MTHFD1L: variants seen among roughly 807,000 people sequenced by gnomAD.
MTHFD1L encodes the protein methylenetetrahydrofolate dehydrogenase (NADP+ dependent) 1 like, also known as monofunctional C1-tetrahydrofolate synthase, mitochondrial.
Under a neutral mutation model 119.5 loss-of-function variants are expected in MTHFD1L, and 81 were observed. That is an observed-to-expected ratio of 0.68 (90% CI 0.57 to 0.82). MTHFD1L has a LOEUF of 0.82. Among genes scored for constraint, MTHFD1L ranks in the 40% least tolerant of loss-of-function variants. MTHFD1L has a pLI of 0.00. For missense variants in MTHFD1L, 1,125 were observed against 1,253.4 expected (o/e 0.90, Z 1.55); for synonymous variants, 430 against 475.2 (o/e 0.90, Z 1.24).
chr6:151,002,380 C>A (rs538060156), intron 20 of MTHFD1L, among the ~76,000 whole-genome samples: 3 of 152,292 alleles, frequency 2.0e-5, no homozygotes, highest in African/African-American at 7.2e-5. Flanking sequence ...AGACAGGACA[C>A]CTAGTACATT....
chr6:150,916,634 T>G (rs1787984250), intron 8 of MTHFD1L, among the ~76,000 whole-genome samples: 1 of 149,216 alleles, frequency 6.7e-6, no homozygotes, highest in Admixed American at 6.7e-5. Flanking sequence ...CTGCCAGAAG[T>G]AGAATTCTTA....
At chr6:151,044,955 G>T (rs1787744706) in intron 26 of MTHFD1L, among the ~76,000 whole-genome samples, 1 of 152,186 alleles carries the variant, frequency 6.6e-6, no homozygotes, top group Non-Finnish European at 1.5e-5. Flanking sequence ...TTTCAGTTCA[G>T]CTCGGTTTGT....
intron 26 of MTHFD1L, among the ~76,000 whole-genome samples, chr6:151,079,670 G>A (rs1170182702): frequency 6.6e-6 from 1 of 151,532 alleles, no homozygotes; most frequent in South Asian, 2.1e-4. Context: ...TGTATTTTTA[G>A]TAGAGACGGA....
At chr6:151,098,501 T>C (rs1434991924) in intron 27 of MTHFD1L, among the ~76,000 whole-genome samples, 1 of 152,290 alleles carries the variant, frequency 6.6e-6, no homozygotes, top group East Asian at 1.9e-4. Context: ...TGCTTCCAAG[T>C]AGGATGGAAG....
At chr6:150,979,549 T>A (rs1303910086) in intron 20 of MTHFD1L, among the ~76,000 whole-genome samples, 7 of 152,140 alleles carry the variant, frequency 4.6e-5, no homozygotes, top group Admixed American at 3.9e-4. Context: ...CTCCTAGGCT[T>A]GAGTTCAGTG....
chr6:150,896,352 A>T (rs891742389), intron 7 of MTHFD1L, among the ~76,000 whole-genome samples: 1 of 152,170 alleles, frequency 6.6e-6, no homozygotes, highest in Non-Finnish European at 1.5e-5. Flanking sequence ...GGGGCTCATC[A>T]TCAGCTCTCC....
chr6:150,898,875 G>T, intron 7 of MTHFD1L: 1 of 424,756 alleles, frequency 2.4e-6, no homozygotes, highest in South Asian at 2.2e-5. Flanking sequence ...GTCTCGTTCT[G>T]TCACCAGGCT....
intron 26 of MTHFD1L, among the ~76,000 whole-genome samples, chr6:151,086,215 A>G (rs1793783943): frequency 6.6e-6 from 1 of 152,166 alleles, no homozygotes; most frequent in Non-Finnish European, 1.5e-5. Flanking sequence ...TACTAAGTCA[A>G]GCAAATAGAA....
intron 20 of MTHFD1L, among the ~76,000 whole-genome samples, chr6:151,006,255 G>A (rs929719784): frequency 2.6e-5 from 4 of 152,174 alleles, no homozygotes; most frequent in African/African-American, 9.7e-5. Context: ...CAAGCTTCCA[G>A]GAAATGGCAC....
intron 20 of MTHFD1L, among the ~76,000 whole-genome samples, chr6:150,998,999 T>C (rs557192926): frequency 2.6e-5 from 3 of 113,560 alleles, no homozygotes; most frequent in Non-Finnish European, 6.1e-5. Flanking sequence ...TAAAAAAATA[T>C]ATATACATAT....
At chr6:151,068,970 G>A (rs972792921) in intron 26 of MTHFD1L, among the ~76,000 whole-genome samples, 11 of 152,128 alleles carry the variant, frequency 7.2e-5, no homozygotes, top group African/African-American at 2.7e-4. Context: ...GTAGACTAGT[G>A]CCAGTTTGCC....
chr6:150,901,564 CACATAAACT>C (rs1785105370), intron 7 of MTHFD1L, among the ~76,000 whole-genome samples: 2 of 152,288 alleles, frequency 1.3e-5, no homozygotes, highest in Middle Eastern at 3.4e-3. Context: ...TAACTGGGCG[CACATAAACT>C]ACATAAACTA....
At chr6:150,994,079 AAG>A (rs1554273866) in intron 20 of MTHFD1L, among the ~76,000 whole-genome samples, 3 of 134,914 alleles carry the variant, frequency 2.2e-5, no homozygotes, top group South Asian at 2.2e-4. Context: ...AAAAAAAAAA[AAG>A]AAAGAAAGAA....
At chr6:150,998,245 G>A (rs1780103381) in intron 20 of MTHFD1L, among the ~76,000 whole-genome samples, 1 of 152,086 alleles carries the variant, frequency 6.6e-6, no homozygotes, top group African/African-American at 2.4e-5. Context: ...TCCATGATCA[G>A]CCTGCTTGTA....
At chr6:151,033,699 A>G (rs1785685203) in intron 24 of MTHFD1L, among the ~76,000 whole-genome samples, 1 of 152,082 alleles carries the variant, frequency 6.6e-6, no homozygotes, top group South Asian at 2.1e-4. Context: ...AGTAGGTTCA[A>G]CCTCTGATTT....
chr6:151,014,954 C>G lies in MTHFD1L; in HGVS notation c.2382C>G (p.Pro794=), dbSNP rs370947787. The stretch of plus-strand genomic sequence containing the variant: ...AGATCACTCAGCTCTTTGGGGTTCC[C>G]GTTGTGGTGGCTCTGAATGTCTTCA... The part of the protein sequence containing the change: ...QIQITQLFGV[P]VVVALNVFKT... The change falls in exon 23 of 28, where the codon CCC becomes CCG. Residue 794 remains proline, a synonymous_variant. Transcript: ENST00000367321. 7.6e-5 allele frequency: 122 copies of G among 1,614,050 alleles called. 1 individual carries two copies. In the African/African-American group the frequency reaches 1.3e-3, roughly 17 times the overall value.
chr6:151,060,968 G>A (rs1307167883), intron 26 of MTHFD1L, among the ~76,000 whole-genome samples: 1 of 152,200 alleles, frequency 6.6e-6, no homozygotes, highest in South Asian at 2.1e-4. Flanking sequence ...AACCTGAGGT[G>A]TAGGCAGGGG....
chr6:150,959,530 C>T (rs1796131426), intron 17 of MTHFD1L, among the ~76,000 whole-genome samples: 2 of 152,158 alleles, frequency 1.3e-5, no homozygotes, highest in Admixed American at 6.5e-5. Context: ...GAACTTTTTG[C>T]AAAAAGTCTG....
intron 19 of MTHFD1L, among the ~76,000 whole-genome samples, chr6:150,970,940 T>G (rs1025092035): frequency 1.3e-5 from 2 of 152,212 alleles, no homozygotes; most frequent in African/African-American, 4.8e-5. Flanking sequence ...AAGAATTCCC[T>G]TAGCCTCTCT....
Sources: gnomAD v4.1 joint callset for allele counts (sites outside exome capture counted in the v4.1 genomes callset) on GRCh38, gnomAD v4.1.1 for gene constraint, MANE v1.5 for transcripts, NCBI Gene and HGNC (gene_info 2026-07-23, HGNC 2026-07-21) for gene names.